MZF1: variants seen among roughly 807,000 people sequenced by gnomAD.
MZF1 encodes the protein myeloid zinc finger 1.
MZF1 carries 24 observed loss-of-function variants against 28.6 expected under a neutral mutation model. The ratio of observed to expected loss-of-function variants is 0.84; its 90% confidence interval spans 0.61 to 1.18. The LOEUF is 1.18. MZF1 is among the 50% of genes most tolerant of loss of function. The pLI is 0.00. For missense variants in MZF1, 1,166 were observed against 1,026.4 expected (o/e 1.14, Z -1.86); for synonymous variants, 516 against 432.5 (o/e 1.19, Z -2.40).
Position 58,569,413 on chromosome 19 carries a change from T to A in MZF1, c.652-16A>T. On this transcript the variant is annotated splice_polypyrimidine_tract_variant and intron_variant, in intron 4 of 5. Transcript: ENST00000215057. ...TCCCACATCTCTGAAATCACAGTGG[T>A]CACTGCTCCTCTGTGCCTGGCTGGG... The A allele has an allele frequency of 6.2e-7, 1 of 1,613,946 alleles. No homozygotes were observed. Among genetic ancestry groups the A allele is most frequent in the South Asian group, 1.1e-5 (1 of 91,074 alleles).
Position 58,562,620 on chromosome 19 carries a change from G to T in MZF1, c.1657C>A (p.Arg553Ser). 1 of 1,568,558 alleles carries T rather than the reference G, an allele frequency of 6.4e-7. No homozygotes were observed. The highest frequency in any genetic ancestry group is 8.6e-7 in the Non-Finnish European group (1 of 1,162,400). Residue 553 changes from arginine to serine, a missense_variant, in exon 6 of 6, where the codon CGC becomes AGC. Physicochemically the swap from Arg to Ser is moderately radical, Grantham distance 110. Coordinates refer to ENST00000215057, the MANE Select transcript of MZF1 (RefSeq NM_198055.2). ...CAECGQSFRQ[R>S]SNLTQHRRIH... ...CGCCGGTGCTGCGTCAGGTTGGAGC[G>T]CTGCCGGAAGCTCTGGCCGCACTCG...
At position 58,569,408 on chromosome 19, in the gene MZF1, A is replaced by G; in HGVS notation, c.652-11T>C. 6.2e-7 allele frequency: 1 copy of G among 1,614,054 alleles called. No individual in the cohort carries two copies. The highest frequency in any genetic ancestry group is 8.5e-7 in the Non-Finnish European group (1 of 1,179,978). ...CACGGTCCCACATCTCTGAAATCACAGTGGTCACTGCTCCTCTGTGCCTGG... is the reference window on the plus strand; with the variant it reads ...CACGGTCCCACATCTCTGAAATCACGGTGGTCACTGCTCCTCTGTGCCTGG... On this transcript the variant is annotated splice_polypyrimidine_tract_variant and intron_variant, in intron 4 of 5. Transcript: ENST00000215057.
At chr19:58,569,742 G>A (rs2054122680) in intron 3 of MZF1, 156 bp from the exon 4 acceptor site, 1 of 622,270 alleles carries the variant, frequency 1.6e-6, no homozygotes, top group Non-Finnish European at 2.8e-6. Flanking sequence ...GCCCAGCTCA[G>A]GGGCTGGGTG....
In MZF1 at chr19:58,564,900, G is replaced by GTTTTTTTT. The variant is rs1253286923; in HGVS notation, c.773-1397_773-1396insAAAAAAAA. On this transcript the variant is annotated intron_variant, in intron 5 of 5. Coordinates refer to ENST00000215057, the MANE Select transcript of MZF1 (RefSeq NM_198055.2). ...GGGTGGAGAATAAGCATCCATGTGT[G>GTTTTTTTT]TGTTTTTTTTTTTTTTTTTTTTTTT... Among the ~76,000 whole-genome samples the GTTTTTTTT allele has an allele frequency of 4.9e-4, 34 of 69,378 alleles. 3 individuals carry two copies. The highest frequency in any genetic ancestry group is 2.2e-3 in the African/African-American group (30 of 13,856). The allele number at this position is 69,378 out of a possible 152,430, so 45.5% of individuals were successfully genotyped here.
rs747297824 is a variant in MZF1 at position 58,570,327 on chromosome 19, A to G, written c.580+17T>C. On this transcript the variant is annotated intron_variant, in intron 3 of 5. Coordinates refer to ENST00000215057, the MANE Select transcript of MZF1 (RefSeq NM_198055.2). ...ACCCAACCAGACCTTAGGCGCGCCC[A>G]CCGTGCATGCCCTCACCTGAGTCCT... The G allele has an allele frequency of 6.3e-7, 1 of 1,587,656 alleles. No homozygotes were observed. The highest frequency in any genetic ancestry group is 1.1e-5 in the South Asian group (1 of 88,758).
chr19:58,563,378 C>A lies in MZF1; in HGVS notation c.899G>T (p.Gly300Val), dbSNP rs762409589. 1.2e-6 allele frequency: 2 copies of A among 1,604,882 alleles called. No individual in the cohort carries two copies. The highest frequency in any genetic ancestry group is 1.7e-6 in the Non-Finnish European group (2 of 1,175,870). ...GGGGAGCAGAAGCGCATGCGCAAAG[C>A]CACCTTCGCGGGAGGGTGATTGGAT... The part of the protein sequence containing the change: ...GQIQSPSREG[G>V]FAHALLLPSD... Residue 300 changes from glycine (G) to valine (V), a missense_variant, in exon 6 of 6, where the codon GGC (glycine) becomes GTC (valine). Coordinates refer to ENST00000215057, the MANE Select transcript of MZF1 (RefSeq NM_198055.2).
At position 58,562,089 on chromosome 19, in the gene MZF1, C is replaced by T. The variant is rs759082568; in HGVS notation, c.2188G>A (p.Val730Ile). The change falls in exon 6 of 6, where the codon GTC becomes ATC. Residue 730 changes from valine (V) to isoleucine (I), a missense_variant. Transcript: ENST00000215057. ...QSTKLIQHQRVHSAE is the reference protein window; with the variant it reads ...QSTKLIQHQRIHSAE Reference sequence around the variant, plus strand: ...GGCTGGAGCTACTCGGCGCTGTGGACGCGCTGGTGCTGAATGAGCTTGGTG... The same window carrying T: ...GGCTGGAGCTACTCGGCGCTGTGGATGCGCTGGTGCTGAATGAGCTTGGTG... 3 of 1,566,528 alleles carry T rather than the reference C, an allele frequency of 1.9e-6. No homozygotes were observed. In the East Asian group the frequency reaches 7.1e-5, roughly 37 times the overall value.
At chr19:58,571,683 T>C (rs888092988) in intron 1 of MZF1, 7 of 356,486 alleles carry the variant, frequency 2.0e-5, no homozygotes, top group Non-Finnish European at 3.5e-5. Flanking sequence ...AAACACAGGC[T>C]TTTTTTTCTT....
chr19:58,564,900 G>GTTTTTTTTTTTTTTTTTT (rs1253286923), intron 5 of MZF1, among the ~76,000 whole-genome samples: 2 of 69,354 alleles, frequency 2.9e-5, no homozygotes, highest in African/African-American at 1.4e-4. Flanking sequence ...ATCCATGTGT[G>GTTTTTTTTTTTTTTTTTT]TGTTTTTTTT....
chr19:58,563,187 C>A lies in MZF1; in HGVS notation c.1090G>T (p.Val364Leu). The A allele has an allele frequency of 1.2e-6, 2 of 1,611,294 alleles. No individual in the cohort carries two copies. The highest frequency in any genetic ancestry group is 8.5e-7 in the Non-Finnish European group (1 of 1,179,704). ...AGCAGGTTGCTGCGTTGGCTGAACACCTTGCCACATACATCGCAACGGCCG... is the reference window on the plus strand; with the variant it reads ...AGCAGGTTGCTGCGTTGGCTGAACAACTTGCCACATACATCGCAACGGCCG... The part of the protein sequence containing the change: ...RGGRCDVCGK[V>L]FSQRSNLLRH... Residue 364 changes from valine to leucine, a missense_variant, in exon 6 of 6, where the codon GTG becomes TTG. Physicochemically the swap from Val to Leu is conservative, Grantham distance 32. Coordinates refer to ENST00000215057, the MANE Select transcript of MZF1 (RefSeq NM_198055.2).
intron 5 of MZF1, chr19:58,568,831 C>G (rs7253066): frequency 0.16 from 25,686 of 156,406 alleles, 4,466 homozygotes; most frequent in African/African-American, 0.44. Flanking sequence ...CGTAATGCTT[C>G]GATGATTGGG....
rs551709648 is a variant in MZF1 at position 58,572,154 on chromosome 19, C to G, written c.-40-725G>C. 1.2e-3 allele frequency among the ~76,000 whole-genome samples: 179 copies of G among 152,204 alleles called. 1 individual carries two copies. The highest frequency in any genetic ancestry group is 4.2e-3 in the African/African-American group (173 of 41,524). On this transcript the variant is annotated intron_variant, in intron 1 of 5. Coordinates refer to ENST00000215057, the MANE Select transcript of MZF1 (RefSeq NM_198055.2). ...CGTCTCCCCCTACCCAACGCCAGCCCTTACTTCACCTTCTATTCTCTCATC... is the reference window on the plus strand; with the variant it reads ...CGTCTCCCCCTACCCAACGCCAGCCGTTACTTCACCTTCTATTCTCTCATC...
At chr19:58,571,488 T>C in intron 1 of MZF1, 59 bp from the exon 2 acceptor site, 2 of 1,417,636 alleles carry the variant, frequency 1.4e-6, no homozygotes, top group Non-Finnish European at 9.6e-7. Context: ...CTTCACTGCC[T>C]AGTCTATGCT....
rs773692190 is a variant in MZF1 at position 58,563,125 on chromosome 19, G to A, written c.1152C>T (p.Phe384=). Reference sequence around the variant, plus strand: ...AGCTGCGGCCGCACTCGCTGCACACGAATGGTCGCTCACCCGTGTGGATCT... The same window carrying A: ...AGCTGCGGCCGCACTCGCTGCACACAAATGGTCGCTCACCCGTGTGGATCT... ...HQKIHTGERP[F]VCSECGRSFS... is the part of the protein sequence containing the mutation. The change falls in exon 6 of 6, where the codon TTC becomes TTT. Residue 384 remains phenylalanine (F), a synonymous_variant. Transcript: ENST00000215057. 3.1e-6 allele frequency: 5 copies of A among 1,607,796 alleles called. No individual in the cohort carries two copies. The highest frequency in any genetic ancestry group is 2.2e-5 in the East Asian group (1 of 44,858).
rs763316321 is a variant in MZF1 at position 58,569,383 on chromosome 19, C to T, written c.666G>A (p.Val222=). ...TGCTGTGGGGAAAGATCTGGTCCAG[C>T]ACGGTCCCACATCTCTGAAATCACA... The part of the protein sequence containing the change: ...LPEEAQRCGT[V]LDQIFPHSKT... The change falls in exon 5 of 6, where the codon GTG becomes GTA. Residue 222 remains valine (V), a synonymous_variant. Transcript: ENST00000215057. 1 of 1,614,082 alleles carries T rather than the reference C, an allele frequency of 6.2e-7. No individual in the cohort carries two copies. Among genetic ancestry groups the T allele is most frequent in the Non-Finnish European group, 8.5e-7 (1 of 1,179,978 alleles).
intron 5 of MZF1, 122 bp downstream of exon 5, chr19:58,569,155 G>T: frequency 7.5e-7 from 1 of 1,324,976 alleles, no homozygotes; most frequent in Non-Finnish European, 1.0e-6. Context: ...ATGATCTAGG[G>T]AATGGGGGAA....
chr19:58,572,568 C>G, intron 1 of MZF1: 1 of 1,289,718 alleles, frequency 7.8e-7, no homozygotes, highest in Non-Finnish European at 1.0e-6. Context: ...TCGCGCTGTT[C>G]CTTCTGCAGC....
chr19:58,565,176 C>A (rs2054023962), intron 5 of MZF1, among the ~76,000 whole-genome samples: 1 of 151,264 alleles, frequency 6.6e-6, no homozygotes, highest in South Asian at 2.1e-4. Context: ...TCACTGCAAA[C>A]CTCCATCTCC....
At chr19:58,564,900 GTGTTTTTTT>G (rs2054011823) in intron 5 of MZF1, among the ~76,000 whole-genome samples, 1 of 69,354 alleles carries the variant, frequency 1.4e-5, no homozygotes, top group African/African-American at 7.2e-5. Context: ...ATCCATGTGT[GTGTTTTTTT>G]TTTTTTTTTT....
Sources: allele counts gnomAD v4.1 joint callset (sites outside exome capture counted in the v4.1 genomes callset), GRCh38; gene constraint gnomAD v4.1.1; transcripts MANE v1.5; gene names NCBI Gene and HGNC (gene_info 2026-07-23, HGNC 2026-07-21).